The following RERE variants were observed in gnomAD, a reference collection of about 807,000 sequenced individuals.
RERE encodes the protein arginine-glutamic acid dipeptide repeats protein.
In RERE, 40 loss-of-function variants were observed where a neutral mutation model predicts 146.1. That is an observed-to-expected ratio of 0.27 (90% confidence interval 0.21 to 0.36). The LOEUF (loss-of-function observed/expected upper bound fraction) is 0.36. Among genes scored for constraint, RERE ranks in the 10% least tolerant of loss-of-function variants. RERE has a pLI of 1.00. For missense variants in RERE, 1,933 were observed against 2,138.7 expected, an observed-to-expected ratio of 0.90 and a Z score of 1.90; for synonymous variants, 1,003 against 866.0, an observed-to-expected ratio of 1.16 and a Z score of -2.78.
chr1:8,477,984 CA>C, intron 10 of RERE, among the ~76,000 whole-genome samples: 1 of 152,162 alleles, frequency 6.6e-6, no homozygotes, highest in Non-Finnish European at 1.5e-5. Flanking sequence ...AAGAAATAAG[CA>C]AAAAGCCTCT....
chr1:8,710,114 T>A (rs1413093055), intron 1 of RERE, among the ~76,000 whole-genome samples: 1 of 152,322 alleles, frequency 6.6e-6, no homozygotes, highest in East Asian at 1.9e-4. Context: ...TTTCTGTGTT[T>A]GTGATTCCAA....
intron 4 of RERE, among the ~76,000 whole-genome samples, chr1:8,592,162 G>C (rs967577753): frequency 1.3e-5 from 2 of 152,112 alleles, no homozygotes; most frequent in Non-Finnish European, 2.9e-5. Context: ...GCCATTTCAT[G>C]TTTAGCAACT....
chr1:8,780,893 C>G (rs1214459467), intron 1 of RERE, among the ~76,000 whole-genome samples: 1 of 152,156 alleles, frequency 6.6e-6, no homozygotes, highest in Non-Finnish European at 1.5e-5. Context: ...CACTTCTCTG[C>G]CCCACACTCA....
chr1:8,633,962 A>G (rs1647065877), intron 2 of RERE, among the ~76,000 whole-genome samples: 1 of 152,058 alleles, frequency 6.6e-6, no homozygotes, highest in African/African-American at 2.4e-5. Context: ...GAACTTATCA[A>G]ATCAACACCC....
chr1:8,358,291 G>C lies in RERE; in HGVS notation c.4244C>G (p.Ala1415Gly), dbSNP rs1641380827. 6.2e-7 allele frequency: 1 copy of C among 1,613,640 alleles called. No homozygotes were observed. The highest frequency in any genetic ancestry group is 8.5e-7 in the Non-Finnish European group (1 of 1,179,654). ...AGTCACGTTGAACATCTGCAGTCGG[G>C]CCAGGGGATCGCTGGTCAGCGATGC... ...RMASLTSDPL[A>G]RLQMFNVTPH... The change falls in exon 20 of 23, where the codon GCC becomes GGC. Residue 1415 changes from alanine to glycine, a missense_variant. Transcript: ENST00000400908.
At chr1:8,465,629 T>C (rs754212810) in intron 11 of RERE, 2 of 453,902 alleles carry the variant, frequency 4.4e-6, no homozygotes, top group African/African-American at 2.0e-5. Flanking sequence ...ACAAGCTAGC[T>C]TGCACCAAAA....
intron 1 of RERE, among the ~76,000 whole-genome samples, chr1:8,701,287 T>TACACACACACAC (rs745905637): frequency 8.1e-4 from 76 of 93,718 alleles, no homozygotes; most frequent in South Asian, 3.3e-3. Flanking sequence ...GTGAGGGGAA[T>TACACACACACAC]ACACACACAC....
At position 8,448,669 on chromosome 1, in the gene RERE, G is replaced by A. The variant is rs867715808; in HGVS notation, c.1203+17256C>T. 2.4e-4 allele frequency among the ~76,000 whole-genome samples: 37 copies of A among 152,052 alleles called. No homozygotes were observed. In the Middle Eastern group the frequency reaches 0.01, roughly 42 times the overall value. On this transcript the variant is annotated intron_variant, in intron 11 of 22. Coordinates refer to ENST00000400908, the MANE Select transcript of RERE (RefSeq NM_001042681.2). ...AAGAAACATTTATTAAATGCCTGCC[G>A]TGTGCAGAGGCCTCCAGATGGCCCT...
intron 4 of RERE, among the ~76,000 whole-genome samples, chr1:8,601,689 C>T (rs934165327): frequency 1.4e-4 from 18 of 125,938 alleles, no homozygotes; most frequent in African/African-American, 4.8e-4. Context: ...TTCCATGATC[C>T]TTTGGATTGA....
At chr1:8,651,726 G>GAA (rs796750699) in intron 2 of RERE, among the ~76,000 whole-genome samples, 7 of 104,974 alleles carry the variant, frequency 6.7e-5, no homozygotes, top group Non-Finnish European at 6.3e-5. Context: ...TGTCTCAAAA[G>GAA]AAAAAAAAAA....
rs114892901 is a variant in RERE, at chr1:8,684,056, C to G, written c.-144-27615G>C. Among the ~76,000 whole-genome samples the G allele has an allele frequency of 4.6e-3, 693 of 152,240 alleles. 6 individuals are homozygous for G. Among genetic ancestry groups the G allele is most frequent in the African/African-American group, 0.016 (666 of 41,550 alleles). On this transcript the variant is annotated intron_variant, in intron 1 of 22. Transcript: ENST00000400908. ...AGGTTTTCCTTCAAAGCCAGGTTAA[C>G]AATACTACTTCACAGGTTAAATGCC...
chr1:8,520,237 C>T (rs1254534518), intron 7 of RERE, among the ~76,000 whole-genome samples: 1 of 152,074 alleles, frequency 6.6e-6, no homozygotes. Flanking sequence ...GCCATTGATC[C>T]AATCTTCTAG....
At chr1:8,684,885 A>T (rs1639051209) in intron 1 of RERE, among the ~76,000 whole-genome samples, 1 of 152,138 alleles carries the variant, frequency 6.6e-6, no homozygotes, top group South Asian at 2.1e-4. Flanking sequence ...TTGAGACAGG[A>T]TCTCACTCTG....
intron 1 of RERE, among the ~76,000 whole-genome samples, chr1:8,743,462 T>C (rs1398851195): frequency 1.3e-5 from 2 of 150,698 alleles, no homozygotes; most frequent in African/African-American, 4.9e-5. Context: ...GAGACGGGGT[T>C]TCACCATGTT....
In RERE at chr1:8,362,664, T is replaced by C; in HGVS notation, c.1902+19A>G. 1 of 1,614,184 alleles carries C rather than the reference T, an allele frequency of 6.2e-7. No homozygotes were observed. The highest frequency in any genetic ancestry group is 1.1e-5 in the South Asian group (1 of 91,086). On this transcript the variant is annotated intron_variant, in intron 16 of 22. Coordinates refer to ENST00000400908, the MANE Select transcript of RERE (RefSeq NM_001042681.2). The stretch of plus-strand genomic sequence containing the variant: ...GAGGGAGGGACAGAGTAGGCCCTAC[T>C]ATCCCCCCAGCACCTGACCTTGGCC...
intron 1 of RERE, among the ~76,000 whole-genome samples, chr1:8,713,963 T>A (rs1639716630): frequency 6.6e-6 from 1 of 152,118 alleles, no homozygotes; most frequent in African/African-American, 2.4e-5. Context: ...AAGCCAAAAA[T>A]ATCCAAATAT....
chr1:8,541,581 T>C (rs1410641158), intron 6 of RERE, among the ~76,000 whole-genome samples: 1 of 152,124 alleles, frequency 6.6e-6, no homozygotes, highest in African/African-American at 2.4e-5. Context: ...GACAGGACTA[T>C]GAGAAAGAAT....
At chr1:8,379,020 A>G (rs1407725221) in intron 12 of RERE, among the ~76,000 whole-genome samples, 6 of 152,204 alleles carry the variant, frequency 3.9e-5, no homozygotes, top group South Asian at 4.1e-4. Context: ...TAGCAGCTCT[A>G]AAGGGCAAAT....
intron 1 of RERE, among the ~76,000 whole-genome samples, chr1:8,792,913 T>A (rs771671384): frequency 3.3e-5 from 5 of 151,936 alleles, no homozygotes; most frequent in Admixed American, 2.6e-4. Flanking sequence ...TCCCAGCACT[T>A]TGGGAGGCCG....
Sources: gnomAD v4.1 joint callset for allele counts (sites outside exome capture counted in the v4.1 genomes callset) on GRCh38, gnomAD v4.1.1 for gene constraint, MANE v1.5 for transcripts, NCBI Gene and HGNC (gene_info 2026-07-23, HGNC 2026-07-21) for gene names.